Variants in ANGPT1 observed in about 807,000 individuals in gnomAD.
ANGPT1 encodes the protein angiopoietin 1, also known as angiopoietin-1.
In ANGPT1, 17 loss-of-function variants were observed where a neutral mutation model predicts 62.2. The observed-to-expected ratio is 0.27, with a 90% CI of 0.19 to 0.41. The LOEUF is 0.41. ANGPT1 is among the 10% of genes least tolerant of loss of function. The pLI is 1.00. For synonymous variants in ANGPT1, 199 were observed against 198.9 expected, an observed-to-expected ratio of 1.00 and a Z score of 0.00; for missense variants, 478 against 594.9, an observed-to-expected ratio of 0.80 and a Z score of 2.04.
At chr8:107,367,507 T>C (rs1273364068) in intron 1 of ANGPT1, among the ~76,000 whole-genome samples, 1 of 152,082 alleles carries the variant, frequency 6.6e-6, no homozygotes, top group Non-Finnish European at 1.5e-5. Context: ...TCCATATCAA[T>C]TGACTGTTCC....
At chr8:107,439,887 G>A (rs1007128528) in intron 1 of ANGPT1, among the ~76,000 whole-genome samples, 7 of 152,080 alleles carry the variant, frequency 4.6e-5, no homozygotes, top group African/African-American at 1.4e-4. Flanking sequence ...AGAAGTAGAG[G>A]AAGAAAAAAC....
intron 3 of ANGPT1, among the ~76,000 whole-genome samples, chr8:107,324,495 T>A (rs1167635891): frequency 1.3e-5 from 2 of 152,014 alleles, no homozygotes; most frequent in Non-Finnish European, 2.9e-5. Context: ...AACCGAGTCT[T>A]CCCTAGGGCC....
At chr8:107,404,193 A>G (rs1395718418) in intron 1 of ANGPT1, among the ~76,000 whole-genome samples, 1 of 152,150 alleles carries the variant, frequency 6.6e-6, no homozygotes, top group Non-Finnish European at 1.5e-5. Context: ...ATATCTGCCA[A>G]TATTTTAGTG....
intron 1 of ANGPT1, among the ~76,000 whole-genome samples, chr8:107,406,205 T>C (rs1372976753): frequency 6.6e-6 from 1 of 151,924 alleles, no homozygotes; most frequent in Non-Finnish European, 1.5e-5. Flanking sequence ...CTTCATCATG[T>C]TCTTTGTCTT....
At chr8:107,293,399 A>C (rs1435066737) in intron 6 of ANGPT1, among the ~76,000 whole-genome samples, 1 of 152,216 alleles carries the variant, frequency 6.6e-6, no homozygotes, top group Non-Finnish European at 1.5e-5. Context: ...AAACTAAAAA[A>C]GGCTGAAAGC....
At chr8:107,402,007 C>T (rs2130333152) in intron 1 of ANGPT1, among the ~76,000 whole-genome samples, 1 of 152,172 alleles carries the variant, frequency 6.6e-6, no homozygotes, top group South Asian at 2.1e-4. Flanking sequence ...CTCGCCACCT[C>T]CAGGATTTAA....
intron 1 of ANGPT1, among the ~76,000 whole-genome samples, chr8:107,399,617 G>A (rs1817003330): frequency 6.6e-6 from 1 of 152,062 alleles, no homozygotes; most frequent in South Asian, 2.1e-4. Flanking sequence ...GAAGGGTATG[G>A]GCCTGTCATA....
At chr8:107,280,206 ATT>A (rs112224242) in intron 7 of ANGPT1, among the ~76,000 whole-genome samples, 1 of 145,500 alleles carries the variant, frequency 6.9e-6, no homozygotes, top group Non-Finnish European at 1.5e-5. Context: ...TTCTTTTTTT[ATT>A]TTTTTTTTTG....
chr8:107,278,759 C>T (rs866097999), intron 7 of ANGPT1, among the ~76,000 whole-genome samples: 1 of 152,330 alleles, frequency 6.6e-6, no homozygotes, highest in Middle Eastern at 3.4e-3. Flanking sequence ...CCAGACCCAC[C>T]ACAAGATGCT....
chr8:107,476,244 A>C (rs1422851530), intron 1 of ANGPT1, among the ~76,000 whole-genome samples: 2 of 152,234 alleles, frequency 1.3e-5, no homozygotes, highest in African/African-American at 4.8e-5. Context: ...ACCATGGAAT[A>C]CTATGCAGCC....
chr8:107,324,892 G>A (rs1342349759), intron 3 of ANGPT1, among the ~76,000 whole-genome samples: 1 of 152,122 alleles, frequency 6.6e-6, no homozygotes, highest in Admixed American at 6.5e-5. Context: ...AGAGAGAAAG[G>A]AGCCCTGCCC....
rs903393409 is a variant in ANGPT1 at position 107,266,899 on chromosome 8, G to A, written c.1206-2548C>T. 6.6e-5 allele frequency among the ~76,000 whole-genome samples: 10 copies of A among 151,730 alleles called. No homozygotes were observed. In the East Asian group the frequency reaches 1.9e-3, roughly 29 times the overall value. On this transcript the variant is annotated intron_variant, in intron 7 of 8. Coordinates refer to ENST00000517746, the MANE Select transcript of ANGPT1 (RefSeq NM_001146.5). ...ATAATTATTTATTTGTGTAATCAAG[G>A]CAATACAAATGCATGATTATAAATT...
chr8:107,334,934 G>T (rs1234933325), intron 3 of ANGPT1, among the ~76,000 whole-genome samples: 1 of 152,146 alleles, frequency 6.6e-6, no homozygotes, highest in East Asian at 1.9e-4. Flanking sequence ...ATAAATAAAT[G>T]TAACACTTAG....
chr8:107,307,590 T>C (rs1334365578), intron 4 of ANGPT1, among the ~76,000 whole-genome samples: 1 of 152,132 alleles, frequency 6.6e-6, no homozygotes, highest in East Asian at 1.9e-4. Context: ...CGTTTTTTGT[T>C]GACCTCTCCT....
chr8:107,285,235 G>T (rs182645536), intron 6 of ANGPT1, among the ~76,000 whole-genome samples: 1 of 152,102 alleles, frequency 6.6e-6, no homozygotes, highest in African/African-American at 2.4e-5. Context: ...AACACTATGA[G>T]AGTGATATTA....
chr8:107,265,647 T>C (rs895146462), intron 7 of ANGPT1, among the ~76,000 whole-genome samples: 1 of 152,104 alleles, frequency 6.6e-6, no homozygotes, highest in African/African-American at 2.4e-5. Context: ...CCCTTCAAAT[T>C]CATATAGGTC....
chr8:107,371,616 G>T (rs1169576772), intron 1 of ANGPT1, among the ~76,000 whole-genome samples: 13 of 115,190 alleles, frequency 1.1e-4, no homozygotes, highest in African/African-American at 3.9e-4. Flanking sequence ...TAGTCCTGTT[G>T]CCCAGGCTGG....
chr8:107,338,318 A>G (rs1021627550), intron 2 of ANGPT1, among the ~76,000 whole-genome samples: 2 of 152,194 alleles, frequency 1.3e-5, no homozygotes, highest in Non-Finnish European at 2.9e-5. Context: ...AAATTTTACA[A>G]TTAATTCAAG....
intron 1 of ANGPT1, among the ~76,000 whole-genome samples, chr8:107,390,212 C>T (rs561619530): frequency 1.3e-5 from 2 of 152,286 alleles, no homozygotes; most frequent in South Asian, 4.1e-4. Context: ...TATCAGTCCA[C>T]ATTTCTAATA....
Sources: gnomAD v4.1 joint callset for allele counts (sites outside exome capture counted in the v4.1 genomes callset) on GRCh38, gnomAD v4.1.1 for gene constraint, MANE v1.5 for transcripts, NCBI Gene and HGNC (gene_info 2026-07-23, HGNC 2026-07-21) for gene names.